The following DLGAP4 variants were observed in gnomAD, a reference collection of about 807,000 sequenced individuals.
The protein encoded by DLGAP4 is disks large-associated protein 4.
DLGAP4 carries 18 observed loss-of-function variants against 86.9 expected under a neutral mutation model. That is an observed-to-expected ratio of 0.21 (90% CI 0.14 to 0.31). The LOEUF is 0.31. Among genes scored for constraint, DLGAP4 ranks in the 10% least tolerant of loss-of-function variants. The pLI, the probability that DLGAP4 is intolerant of heterozygous loss-of-function variation, is 1.00. For synonymous variants in DLGAP4, 548 were observed against 574.3 expected (o/e 0.95, Z 0.65); for missense variants, 1,085 against 1,362.6 (o/e 0.80, Z 3.21).
chr20:36,388,779 G>A (rs1296800085), intron 2 of DLGAP4, among the ~76,000 whole-genome samples: 1 of 152,202 alleles, frequency 6.6e-6, no homozygotes, highest in Non-Finnish European at 1.5e-5. Flanking sequence ...TGCCCAGGAA[G>A]TGATAGCTGT....
At chr20:36,441,735 TTC>T (rs11468412) in intron 5 of DLGAP4, among the ~76,000 whole-genome samples, 4,266 of 152,076 alleles carry the variant, frequency 0.028, 215 homozygotes, top group African/African-American at 0.096. Context: ...CTCCGTCTGT[TTC>T]TCTCTCTCTG....
intron 10 of DLGAP4, among the ~76,000 whole-genome samples, chr20:36,502,270 TC>T (rs1308920021): frequency 2.0e-5 from 3 of 152,220 alleles, no homozygotes; most frequent in Non-Finnish European, 2.9e-5. Flanking sequence ...TGCGTTTTCT[TC>T]TTTTTACATT....
At chr20:36,384,997 G>A (rs920885886) in intron 2 of DLGAP4, among the ~76,000 whole-genome samples, 3 of 152,180 alleles carry the variant, frequency 2.0e-5, no homozygotes, top group African/African-American at 7.2e-5. Context: ...AAGGCCTTGA[G>A]AACCAGAGAC....
rs1421211937 is a variant in DLGAP4 at position 36,500,966 on chromosome 20, T to G, written c.2512+355T>G. ...TGGAGCTAATCCTCTGCTCACTATA[T>G]GAGCATGTTGTAAGGATTGAATGTG... On this transcript the variant is annotated intron_variant, in intron 10 of 12. Transcript: ENST00000339266. The surrounding 1 kb of genome is among the most constrained non-coding windows in gnomAD (Gnocchi z 4.6). Among the ~76,000 whole-genome samples, 1 of 152,094 alleles carries G rather than the reference T, an allele frequency of 6.6e-6. No individual in the cohort carries two copies. The highest frequency in any genetic ancestry group is 1.5e-5 in the Non-Finnish European group (1 of 68,020).
intron 1 of DLGAP4, among the ~76,000 whole-genome samples, chr20:36,361,716 T>TA (rs1296988865): frequency 1.3e-5 from 2 of 152,128 alleles, no homozygotes; most frequent in African/African-American, 2.4e-5. Flanking sequence ...CTCATGCCTG[T>TA]AATGCCAGCA....
In DLGAP4 at chr20:36,349,492, T is replaced by A. The variant is rs186754377; in HGVS notation, c.-303-17553T>A. 2.0e-5 allele frequency among the ~76,000 whole-genome samples: 3 copies of A among 151,696 alleles called. No homozygotes were observed. In the East Asian group the frequency reaches 5.8e-4, roughly 29 times the overall value. ...ACGTAGCCTGAAGAGGAGGGGATAT[T>A]TGAGCACAGACCTGAATGAAGTAAG... On this transcript the variant is annotated intron_variant, in intron 1 of 12. Transcript: ENST00000339266.
chr20:36,328,163 C>A (rs1482661555), intron 1 of DLGAP4, among the ~76,000 whole-genome samples: 1 of 151,872 alleles, frequency 6.6e-6, no homozygotes, highest in African/African-American at 2.4e-5. Flanking sequence ...GGTACCACTG[C>A]ATTCCAGCCC....
At chr20:36,499,172 TTGTGTG>T in intron 8 of DLGAP4, 1 of 1,286,188 alleles carries the variant, frequency 7.8e-7, no homozygotes, top group Non-Finnish European at 1.1e-6. Flanking sequence ...GGCTGTGGCT[TTGTGTG>T]TGTGTGTGTG....
At chr20:36,395,078 C>T (rs1397102469) in intron 2 of DLGAP4, among the ~76,000 whole-genome samples, 1 of 152,164 alleles carries the variant, frequency 6.6e-6, no homozygotes, top group Non-Finnish European at 1.5e-5. Context: ...CCAACACACA[C>T]ACACCAGCTG....
intron 1 of DLGAP4, among the ~76,000 whole-genome samples, chr20:36,355,532 A>G (rs2147395034): frequency 6.6e-6 from 1 of 152,318 alleles, no homozygotes; most frequent in South Asian, 2.1e-4. Flanking sequence ...CCTAGGCTCA[A>G]GCAGTCTTCC....
chr20:36,335,316 G>A (rs367849724), intron 1 of DLGAP4, among the ~76,000 whole-genome samples: 6 of 152,322 alleles, frequency 3.9e-5, no homozygotes, highest in African/African-American at 9.6e-5. Flanking sequence ...TAGGGAGCTG[G>A]TGGGACACAC....
In DLGAP4 at chr20:36,431,605, T is replaced by A; in HGVS notation, c.-72-41T>A. 1 of 1,265,056 alleles carries A rather than the reference T, an allele frequency of 7.9e-7. No individual in the cohort carries two copies. Among genetic ancestry groups the A allele is most frequent in the Admixed American group, 2.8e-5 (1 of 36,270 alleles). The allele number at this position is 1,265,056 out of a possible 1,614,324, so 78.4% of individuals were successfully genotyped here. On this transcript the variant is annotated intron_variant, in intron 2 of 12. Coordinates refer to ENST00000339266, the MANE Select transcript of DLGAP4 (RefSeq NM_001365621.2). The surrounding 1 kb of genome is among the most constrained non-coding windows in gnomAD (Gnocchi z 5.1). Reference sequence around the variant, plus strand: ...CCTTCCCGGCACCCCTCCCCGACAATCCAGCTGACCAGCTGACCGCTTTCT... The same window carrying A: ...CCTTCCCGGCACCCCTCCCCGACAAACCAGCTGACCAGCTGACCGCTTTCT...
intron 2 of DLGAP4, among the ~76,000 whole-genome samples, chr20:36,413,483 T>A (rs1362834193): frequency 7.2e-6 from 1 of 139,602 alleles, no homozygotes; most frequent in African/African-American, 2.7e-5. Context: ...AGTGGCATGA[T>A]CTCAGCTCAC....
intron 10 of DLGAP4, among the ~76,000 whole-genome samples, chr20:36,506,561 G>A (rs2036384579): frequency 6.6e-6 from 1 of 152,178 alleles, no homozygotes; most frequent in African/African-American, 2.4e-5. Context: ...ACCCACCCAG[G>A]TGGCTGCCTG....
chr20:36,323,388 T>C (rs1172922457), intron 1 of DLGAP4, among the ~76,000 whole-genome samples: 1 of 152,166 alleles, frequency 6.6e-6, no homozygotes, highest in Non-Finnish European at 1.5e-5. Flanking sequence ...CTTCTTTTGC[T>C]CCTCACTTTG....
intron 2 of DLGAP4, among the ~76,000 whole-genome samples, chr20:36,369,901 T>C (rs555788937): frequency 6.6e-6 from 1 of 152,340 alleles, no homozygotes; most frequent in African/African-American, 2.4e-5. Context: ...TGGATTCTTT[T>C]ATTCTGCCCA....
intron 3 of DLGAP4, among the ~76,000 whole-genome samples, chr20:36,435,644 C>A (rs547718553): frequency 1.7e-4 from 26 of 152,364 alleles, no homozygotes; most frequent in African/African-American, 6.0e-4. Context: ...CGTCCCCCCT[C>A]ATGCTGATGT....
chr20:36,362,828 TG>T (rs2038526220), intron 1 of DLGAP4, among the ~76,000 whole-genome samples: 1 of 152,126 alleles, frequency 6.6e-6, no homozygotes, highest in Admixed American at 6.5e-5. Context: ...GAATGTGCTG[TG>T]GAGGGCTGGG....
chr20:36,482,631 C>G (rs547884332), intron 7 of DLGAP4, among the ~76,000 whole-genome samples: 1 of 152,226 alleles, frequency 6.6e-6, no homozygotes, highest in Non-Finnish European at 1.5e-5. Flanking sequence ...GGCGGTTTCT[C>G]CTGCTTACTA....
Sources: allele counts gnomAD v4.1 joint callset (sites outside exome capture counted in the v4.1 genomes callset), GRCh38; gene constraint gnomAD v4.1.1; non-coding constraint Gnocchi (gnomAD v3.1); transcripts MANE v1.5; gene names NCBI Gene and HGNC (gene_info 2026-07-23, HGNC 2026-07-21).